GLRA2: variants seen among roughly 807,000 people sequenced by gnomAD.
The protein encoded by GLRA2 is glycine receptor alpha 2, also known as glycine receptor subunit alpha-2.
A neutral mutation model predicts 31.6 loss-of-function variants in GLRA2; 11 were observed. That is an observed-to-expected ratio of 0.35 (90% CI 0.22 to 0.58). The LOEUF is 0.58. GLRA2 is among the 20% of genes least tolerant of loss of function. The pLI, the probability that GLRA2 is intolerant of heterozygous loss-of-function variation, is 0.84. For missense variants in GLRA2, 212 were observed against 351.8 expected, an observed-to-expected ratio of 0.60 and a Z score of 3.18; for synonymous variants, 132 against 134.0, an observed-to-expected ratio of 0.99 and a Z score of 0.10.
chrX:14,533,555 A>T (rs1158834867), intron 2 of GLRA2, among the ~76,000 whole-genome samples: 1 of 109,877 alleles, frequency 9.1e-6, no homozygotes. Flanking sequence ...TGTTCATCCC[A>T]TTTCTTAATT....
intron 2 of GLRA2, among the ~76,000 whole-genome samples, chrX:14,567,029 T>G: frequency 9.0e-6 from 1 of 111,340 alleles, no homozygotes; most frequent in Admixed American, 9.5e-5. Flanking sequence ...AAGCTGTTCT[T>G]GCAATCTGAC....
At chrX:14,647,546 G>A (rs1403660539) in intron 7 of GLRA2, among the ~76,000 whole-genome samples, 1 of 111,612 alleles carries the variant, frequency 9.0e-6, no homozygotes, top group East Asian at 2.8e-4. Context: ...GAGACCAATG[G>A]GACCCTGCTA....
intron 7 of GLRA2, among the ~76,000 whole-genome samples, chrX:14,659,535 C>T (rs1208521175): frequency 9.0e-6 from 1 of 111,730 alleles, no homozygotes; most frequent in African/African-American, 3.3e-5. Flanking sequence ...ATTAATATGT[C>T]AGTGATGCTC....
rs761094724 is a variant in GLRA2 at position 14,690,828 on chromosome X, G to A, written c.1049G>A (p.Arg350His). The stretch of plus-strand genomic sequence containing the variant: ...TCCAGGCAACACAAGGAGTTCCTGC[G>A]CCTCCGAAGAAGACAGAAGAGGCAG... ...FVSRQHKEFL[R>H]LRRRQKRQNK... The change falls in exon 8 of 9, where the codon CGC becomes CAC. Residue 350 changes from arginine to histidine, a missense_variant. Around this residue, in one of 5 missense-constraint regions of GLRA2, gnomAD observed 25 missense variants for 20.8 expected, o/e 1.20. Transcript: ENST00000218075. 4.2e-5 allele frequency: 51 copies of A among 1,206,140 alleles called. No homozygotes were observed. The Admixed American group carries it at 7.7e-4, about 18-fold the overall frequency.
At chrX:14,511,903 T>A in the GLRA2 span, among the ~76,000 whole-genome samples, 1 of 111,028 alleles carries the variant, frequency 9.0e-6, no homozygotes, top group African/African-American at 3.3e-5. Context: ...GCTCAGAGAG[T>A]TAATTTGTGT....
intron 2 of GLRA2, among the ~76,000 whole-genome samples, chrX:14,536,364 A>T (rs2089323364): frequency 8.9e-6 from 1 of 111,814 alleles, no homozygotes; most frequent in Non-Finnish European, 1.9e-5. Flanking sequence ...CACCAGGGAC[A>T]CTTGGAAAGG....
chrX:14,682,230 A>C (rs888619325), intron 7 of GLRA2, among the ~76,000 whole-genome samples: 8 of 109,448 alleles, frequency 7.3e-5, no homozygotes, highest in African/African-American at 2.7e-4. Context: ...GGCATCTATT[A>C]ATCAGAAGGA....
intron 7 of GLRA2, among the ~76,000 whole-genome samples, chrX:14,638,290 CTATAAT>C (rs765041831): frequency 5.0e-4 from 55 of 110,823 alleles, no homozygotes; most frequent in Middle Eastern, 9.3e-3. Flanking sequence ...CTTTCAAAAC[CTATAAT>C]TATAACTTTT....
the GLRA2 span, among the ~76,000 whole-genome samples, chrX:14,474,537 G>T: frequency 9.0e-6 from 1 of 111,327 alleles, no homozygotes; most frequent in Non-Finnish European, 1.9e-5. Context: ...TCTGGGTTGG[G>T]CTCAGATGGG....
intron 7 of GLRA2, among the ~76,000 whole-genome samples, chrX:14,663,516 T>TACACAC (rs751970033): frequency 3.8e-5 from 4 of 104,023 alleles, no homozygotes; most frequent in Non-Finnish European, 4.0e-5. Flanking sequence ...TAGAAAAGAT[T>TACACAC]ACACACACAC....
At chrX:14,668,272 G>A (rs757300848) in intron 7 of GLRA2, among the ~76,000 whole-genome samples, 2 of 112,261 alleles carry the variant, frequency 1.8e-5, no homozygotes, top group South Asian at 7.4e-4. Flanking sequence ...ATGGAAGGCA[G>A]TCTTTTATAA....
At chrX:14,674,007 T>C (rs1346066612) in intron 7 of GLRA2, among the ~76,000 whole-genome samples, 2 of 111,966 alleles carry the variant, frequency 1.8e-5, no homozygotes, top group Non-Finnish European at 3.8e-5. Flanking sequence ...GAGAGGGAGG[T>C]TCCCACAGGG....
At chrX:14,568,089 A>G (rs1372196726) in intron 2 of GLRA2, among the ~76,000 whole-genome samples, 1 of 111,784 alleles carries the variant, frequency 8.9e-6, no homozygotes, top group East Asian at 2.8e-4. Flanking sequence ...CCCTATCAAA[A>G]TTCCAACAGC....
chrX:14,727,395 T>C (rs765580285), intron 8 of GLRA2, among the ~76,000 whole-genome samples: 1 of 111,803 alleles, frequency 8.9e-6, no homozygotes, highest in Non-Finnish European at 1.9e-5. Flanking sequence ...AGAACAGAAA[T>C]ATCCAAATTC....
intron 3 of GLRA2, among the ~76,000 whole-genome samples, chrX:14,580,871 T>C (rs1252759110): frequency 9.0e-6 from 1 of 111,505 alleles, no homozygotes; most frequent in Non-Finnish European, 1.9e-5. Flanking sequence ...CTGTGTTCAT[T>C]GTTTACCTTT....
chrX:14,457,020 T>C, the GLRA2 span, among the ~76,000 whole-genome samples: 1 of 112,081 alleles, frequency 8.9e-6, no homozygotes, highest in Non-Finnish European at 1.9e-5. Flanking sequence ...CACCAACATT[T>C]GTTATTTTGT....
chrX:14,554,478 C>T (rs1234667556), intron 2 of GLRA2, among the ~76,000 whole-genome samples: 1 of 111,426 alleles, frequency 9.0e-6, no homozygotes, highest in Admixed American at 9.5e-5. Context: ...ATAGAAAGTG[C>T]TGGGTTGCCT....
chrX:14,593,583 G>C (rs1249113041), intron 4 of GLRA2, among the ~76,000 whole-genome samples: 5 of 112,661 alleles, frequency 4.4e-5, no homozygotes, highest in African/African-American at 1.3e-4. Context: ...ACAAATGTCA[G>C]TTCTGAGGGT....
At chrX:14,689,250 A>G (rs1255152828) in intron 7 of GLRA2, among the ~76,000 whole-genome samples, 1 of 112,477 alleles carries the variant, frequency 8.9e-6, no homozygotes. Flanking sequence ...AATCAGGGAC[A>G]CAGTCAAGTA....
Sources: gnomAD v4.1 joint callset for allele counts (sites outside exome capture counted in the v4.1 genomes callset) on GRCh38, gnomAD v4.1.1 for gene constraint, gnomAD v4.1.1 regional missense constraint, MANE v1.5 for transcripts, NCBI Gene and HGNC (gene_info 2026-07-23, HGNC 2026-07-21) for gene names.